RAB28: variants seen among roughly 807,000 people sequenced by gnomAD.
RAB28 encodes RAB28, member RAS oncogene family.
A neutral mutation model predicts 31.7 loss-of-function variants in RAB28; 24 were observed. That is an observed-to-expected ratio of 0.76 (90% confidence interval 0.55 to 1.06). RAB28 has a LOEUF of 1.06. Ranked by LOEUF, RAB28 falls within the 50% of genes least tolerant of loss-of-function variation. The probability of loss-of-function intolerance (pLI) is 0.00; values close to 1 mark genes in which losing one functional copy is unlikely to be tolerated. For synonymous variants in RAB28, 100 were observed against 90.4 expected, an observed-to-expected ratio of 1.11 and a Z score of -0.60; for missense variants, 254 against 258.5, an observed-to-expected ratio of 0.98 and a Z score of 0.12.
intron 4 of RAB28, among the ~76,000 whole-genome samples, chr4:13,401,823 G>T (rs1711782275): frequency 6.6e-6 from 1 of 151,458 alleles, no homozygotes; most frequent in Non-Finnish European, 1.5e-5. Flanking sequence ...CTGCTCACTT[G>T]CCTTTCATTT....
intron 4 of RAB28, among the ~76,000 whole-genome samples, chr4:13,402,834 TC>T (rs1560278524): frequency 6.6e-6 from 1 of 152,108 alleles, no homozygotes; most frequent in Non-Finnish European, 1.5e-5. Context: ...TCACGCTGTC[TC>T]CCAGGCTGAA....
intron 4 of RAB28, among the ~76,000 whole-genome samples, chr4:13,425,359 G>A (rs1174309320): frequency 4.6e-5 from 7 of 152,194 alleles, no homozygotes; most frequent in Non-Finnish European, 8.8e-5. Flanking sequence ...AATCAAAGAA[G>A]TTCCCTTAAA....
chr4:13,417,175 G>C (rs1388794568), intron 4 of RAB28, among the ~76,000 whole-genome samples: 1 of 152,360 alleles, frequency 6.6e-6, no homozygotes, highest in Admixed American at 6.5e-5. Context: ...GCAGCCGCCT[G>C]GCAGAGGGAG....
chr4:13,476,193 C>T (rs1716352219), intron 2 of RAB28, among the ~76,000 whole-genome samples: 1 of 151,472 alleles, frequency 6.6e-6, no homozygotes, highest in Non-Finnish European at 1.5e-5. Context: ...AACACTTTGA[C>T]TGTAATTTTA....
chr4:13,390,635 A>C (rs898282415), intron 4 of RAB28, among the ~76,000 whole-genome samples: 6 of 152,002 alleles, frequency 3.9e-5, no homozygotes, highest in Non-Finnish European at 2.9e-5. Context: ...GGAGGCATCA[A>C]ACTACCTGAC....
chr4:13,368,607 A>T lies in RAB28; in HGVS notation c.617T>A (p.Met206Lys), dbSNP rs1194089594. 1 of 1,612,570 alleles carries T rather than the reference A, an allele frequency of 6.2e-7. No individual in the cohort carries two copies. The highest frequency in any genetic ancestry group is 1.1e-5 in the South Asian group (1 of 90,994). Residue 206 changes from methionine to lysine, a missense_variant, in exon 7 of 7, where the codon ATG becomes AAG. Transcript: ENST00000330852. Reference sequence around the variant, plus strand: ...TCTAGGAGGGTTAACAGTCCTTGACATAGGTTCCTGGTTGTAGTTTACAAT... The same window carrying T: ...TCTAGGAGGGTTAACAGTCCTTGACTTAGGTTCCTGGTTGTAGTTTACAAT... ...ADIVNYNQEP[M>K]SRTVNPPRSS...
At chr4:13,415,270 CG>C (rs1205148395) in intron 4 of RAB28, among the ~76,000 whole-genome samples, 2 of 152,214 alleles carry the variant, frequency 1.3e-5, no homozygotes, top group African/African-American at 2.4e-5. Flanking sequence ...TGCTCACTCT[CG>C]GGGCCTCTCT....
chr4:13,408,814 A>C (rs187408667), intron 4 of RAB28, among the ~76,000 whole-genome samples: 59 of 152,338 alleles, frequency 3.9e-4, no homozygotes, highest in African/African-American at 1.3e-3. Context: ...AGGCATTACA[A>C]AATAATTAAA....
intron 5 of RAB28, among the ~76,000 whole-genome samples, chr4:13,380,826 T>C (rs1729098347): frequency 1.3e-5 from 2 of 152,082 alleles, no homozygotes; most frequent in South Asian, 2.1e-4. Flanking sequence ...ACAACCTATA[T>C]GTTCCACAAT....
intron 4 of RAB28, among the ~76,000 whole-genome samples, chr4:13,435,879 G>A (rs1714070690): frequency 6.6e-6 from 1 of 152,042 alleles, no homozygotes. Context: ...TATGAAATCA[G>A]TATCGTCCTG....
At chr4:13,382,408 C>T (rs1729166753) in intron 4 of RAB28, among the ~76,000 whole-genome samples, 2 of 151,628 alleles carry the variant, frequency 1.3e-5, no homozygotes, top group South Asian at 4.2e-4. Context: ...GACAACTAGG[C>T]TCTTTGAGTC....
chr4:13,391,903 C>T (rs189566573), intron 4 of RAB28, among the ~76,000 whole-genome samples: 2,812 of 132,456 alleles, frequency 0.021, 94 homozygotes, highest in African/African-American at 0.074. Flanking sequence ...CGGGGCCTGT[C>T]GGGAGGTGGG....
chr4:13,405,725 A>T (rs1413597486), intron 4 of RAB28, among the ~76,000 whole-genome samples: 2 of 152,144 alleles, frequency 1.3e-5, no homozygotes, highest in African/African-American at 4.8e-5. Flanking sequence ...GAACAGAGGA[A>T]GATTACACTG....
intron 4 of RAB28, among the ~76,000 whole-genome samples, chr4:13,424,468 G>C (rs1454382128): frequency 6.6e-6 from 1 of 152,102 alleles, no homozygotes; most frequent in Non-Finnish European, 1.5e-5. Flanking sequence ...ATTGGATTTA[G>C]GGTCCACCCT....
chr4:13,396,557 T>TTTA (rs1729880775), intron 4 of RAB28, among the ~76,000 whole-genome samples: 1 of 152,074 alleles, frequency 6.6e-6, no homozygotes, highest in Non-Finnish European at 1.5e-5. Context: ...CTGTAGATTC[T>TTTA]TAAACCAACC....
chr4:13,378,242 CGTT>C (rs1266523787), intron 5 of RAB28, among the ~76,000 whole-genome samples: 1 of 152,044 alleles, frequency 6.6e-6, no homozygotes, highest in African/African-American at 2.4e-5. Context: ...AACCAGGAGG[CGTT>C]GTATCCTGGA....
intron 4 of RAB28, among the ~76,000 whole-genome samples, chr4:13,410,648 TG>T (rs1199376979): frequency 6.6e-6 from 1 of 152,156 alleles, no homozygotes; most frequent in East Asian, 1.9e-4. Context: ...GCCACAGAGC[TG>T]TCAACCCTCA....
At chr4:13,448,658 A>G (rs1420163516) in intron 4 of RAB28, among the ~76,000 whole-genome samples, 1 of 152,094 alleles carries the variant, frequency 6.6e-6, no homozygotes, top group Non-Finnish European at 1.5e-5. Flanking sequence ...GTTGTCAGTA[A>G]CAACAACAGT....
At chr4:13,459,823 A>G in intron 4 of RAB28, 2 of 1,258,438 alleles carry the variant, frequency 1.6e-6, no homozygotes, top group Middle Eastern at 2.2e-4. Context: ...ATTCAATGAA[A>G]TGCATCGCTC....
Sources: allele counts gnomAD v4.1 joint callset (sites outside exome capture counted in the v4.1 genomes callset), GRCh38; gene constraint gnomAD v4.1.1; transcripts MANE v1.5; gene names NCBI Gene and HGNC (gene_info 2026-07-23, HGNC 2026-07-21).